The following CDIN1 variants were observed in gnomAD, a reference collection of about 807,000 sequenced individuals.
CDIN1 encodes CDAN1 interacting nuclease 1, also known as CDAN1-interacting nuclease 1.
Under a neutral mutation model 45.3 loss-of-function variants are expected in CDIN1, and 33 were observed. That is an observed-to-expected ratio of 0.73 (90% CI 0.55 to 0.97). The LOEUF (loss-of-function observed/expected upper bound fraction) is 0.97, where lower values mean the gene tolerates loss of function less well. Among genes scored for constraint, CDIN1 ranks in the 50% least tolerant of loss-of-function variants. CDIN1 has a pLI of 0.00. For synonymous variants in CDIN1, 118 were observed against 124.4 expected (o/e 0.95, Z 0.34); for missense variants, 303 against 339.4 (o/e 0.89, Z 0.84).
chr15:36,634,019 T>C (rs1475014904), intron 1 of CDIN1, among the ~76,000 whole-genome samples: 1 of 152,062 alleles, frequency 6.6e-6, no homozygotes, highest in African/African-American at 2.4e-5. Flanking sequence ...CCCAAAGTGC[T>C]GGGATTACAG....
chr15:36,630,151 C>G lies in CDIN1; in HGVS notation c.102-14127C>G, dbSNP rs150942745. 3.6e-4 allele frequency among the ~76,000 whole-genome samples: 55 copies of G among 152,266 alleles called. No homozygotes were observed. In the East Asian group the frequency reaches 0.011, roughly 29 times the overall value. The stretch of plus-strand genomic sequence containing the variant: ...AATTATTTTCCTTGATCTTCTCACT[C>G]TGTGGTTTGATTACTTTAAAGGCCT... On this transcript the variant is annotated intron_variant, in intron 1 of 10. Coordinates refer to ENST00000566621, the MANE Select transcript of CDIN1 (RefSeq NM_001321759.2).
chr15:36,762,285 T>TA (rs1417425034), intron 10 of CDIN1, among the ~76,000 whole-genome samples: 1 of 152,192 alleles, frequency 6.6e-6, no homozygotes, highest in Non-Finnish European at 1.5e-5. Context: ...ACTTTCTTGG[T>TA]AAGGAATCCC....
chr15:36,805,027 C>G (rs1290395554), intron 10 of CDIN1, among the ~76,000 whole-genome samples: 1 of 151,994 alleles, frequency 6.6e-6, no homozygotes, highest in Non-Finnish European at 1.5e-5. Flanking sequence ...TGAAAAACCT[C>G]ATCTTTCTTG....
chr15:36,628,756 T>C (rs2039557260), intron 1 of CDIN1, among the ~76,000 whole-genome samples: 1 of 152,166 alleles, frequency 6.6e-6, no homozygotes, highest in African/African-American at 2.4e-5. Context: ...CCCTTAAAGA[T>C]ATTAGGTCCT....
chr15:36,667,822 T>C (rs548403220), intron 5 of CDIN1, among the ~76,000 whole-genome samples: 2 of 152,198 alleles, frequency 1.3e-5, no homozygotes, highest in Non-Finnish European at 2.9e-5. Context: ...AATAGTATTT[T>C]TTCATTAGCC....
At chr15:36,697,009 C>G (rs1396074848) in intron 7 of CDIN1, among the ~76,000 whole-genome samples, 1 of 150,926 alleles carries the variant, frequency 6.6e-6, no homozygotes, top group East Asian at 1.9e-4. Context: ...CCTGTAGTCC[C>G]TGCTACCCAG....
intron 10 of CDIN1, among the ~76,000 whole-genome samples, chr15:36,762,941 C>T (rs1398579739): frequency 6.6e-5 from 10 of 151,996 alleles, no homozygotes; most frequent in African/African-American, 1.9e-4. Context: ...TGAATAGTGC[C>T]GCAATAAACA....
intron 10 of CDIN1, among the ~76,000 whole-genome samples, chr15:36,724,539 C>G (rs976326303): frequency 3.3e-5 from 5 of 152,024 alleles, no homozygotes; most frequent in Non-Finnish European, 7.4e-5. Flanking sequence ...TTAGAGATGT[C>G]CAAAGGCAAC....
intron 10 of CDIN1, among the ~76,000 whole-genome samples, chr15:36,773,139 T>C (rs1045612009): frequency 6.6e-6 from 1 of 152,062 alleles, no homozygotes; most frequent in African/African-American, 2.4e-5. Flanking sequence ...CTTACCCTAA[T>C]AGCTATATGG....
chr15:36,601,088 C>T (rs2038076700), intron 1 of CDIN1, among the ~76,000 whole-genome samples: 1 of 151,840 alleles, frequency 6.6e-6, no homozygotes, highest in Admixed American at 6.6e-5. Flanking sequence ...TAAAAGGTTC[C>T]TTTCAGAGTT....
intron 3 of CDIN1, among the ~76,000 whole-genome samples, chr15:36,651,861 A>C (rs1244739155): frequency 6.6e-6 from 1 of 152,350 alleles, no homozygotes; most frequent in Non-Finnish European, 1.5e-5. Flanking sequence ...GACTATATAG[A>C]TACAGAGGAT....
At chr15:36,781,567 T>C (rs1276542842) in intron 10 of CDIN1, among the ~76,000 whole-genome samples, 3 of 148,120 alleles carry the variant, frequency 2.0e-5, no homozygotes, top group Admixed American at 2.0e-4. Context: ...TCCATTCCTT[T>C]CCAAATGACT....
chr15:36,768,495 G>A (rs1359045111), intron 10 of CDIN1, among the ~76,000 whole-genome samples: 1 of 152,186 alleles, frequency 6.6e-6, no homozygotes, highest in African/African-American at 2.4e-5. Context: ...TGTTCCCAAA[G>A]GTAGCTTTTC....
At chr15:36,777,174 A>G (rs752370065) in intron 10 of CDIN1, among the ~76,000 whole-genome samples, 38 of 152,184 alleles carry the variant, frequency 2.5e-4, no homozygotes, top group Non-Finnish European at 5.0e-4. Flanking sequence ...TAGGTCCATC[A>G]GCAATATTTA....
chr15:36,631,537 A>G lies in CDIN1; in HGVS notation c.102-12741A>G, dbSNP rs529340247. Among the ~76,000 whole-genome samples the G allele has an allele frequency of 2.0e-5, 3 of 152,274 alleles. No individual in the cohort carries two copies. The South Asian group carries it at 6.2e-4, about 32-fold the overall frequency. On this transcript the variant is annotated intron_variant, in intron 1 of 10. Coordinates refer to ENST00000566621, the MANE Select transcript of CDIN1 (RefSeq NM_001321759.2). ...GTGGCCTTTGTGACTGGATGTTTCC[A>G]TTCATATATTTTACAGACTTATCTG...
At chr15:36,635,267 T>C (rs2039849322) in intron 1 of CDIN1, among the ~76,000 whole-genome samples, 1 of 152,222 alleles carries the variant, frequency 6.6e-6, no homozygotes, top group African/African-American at 2.4e-5. Flanking sequence ...CAAGTCAGAA[T>C]TCTGTCTGGA....
chr15:36,774,163 T>TGTGCGCGC (rs149222188), intron 10 of CDIN1, among the ~76,000 whole-genome samples: 10,169 of 142,922 alleles, frequency 0.071, 390 homozygotes, highest in Non-Finnish European at 0.082. Flanking sequence ...TGTGTGTGTG[T>TGTGCGCGC]GCGCGCGCGC....
intron 1 of CDIN1, among the ~76,000 whole-genome samples, chr15:36,589,159 G>T (rs11073183): frequency 0.41 from 62,237 of 151,878 alleles, 13,544 homozygotes; most frequent in East Asian, 0.55. Context: ...GACTGAATTT[G>T]CCATTGTTTT....
intron 10 of CDIN1, among the ~76,000 whole-genome samples, chr15:36,764,507 A>T (rs571158807): frequency 2.4e-4 from 36 of 152,314 alleles, no homozygotes; most frequent in African/African-American, 7.9e-4. Context: ...TATGGAAAAA[A>T]GAATGCGTTT....
Sources: gnomAD v4.1 joint callset for allele counts (sites outside exome capture counted in the v4.1 genomes callset) on GRCh38, gnomAD v4.1.1 for gene constraint, MANE v1.5 for transcripts, NCBI Gene and HGNC (gene_info 2026-07-23, HGNC 2026-07-21) for gene names.